The following PPP4R4 variants were observed in gnomAD, a reference collection of about 807,000 sequenced individuals.
PPP4R4 encodes the protein serine/threonine-protein phosphatase 4 regulatory subunit 4.
In PPP4R4, 70 loss-of-function variants were observed where a neutral mutation model predicts 121.8. The observed-to-expected ratio is 0.57, with a 90% CI of 0.47 to 0.70. PPP4R4 has a LOEUF of 0.70. Among genes scored for constraint, PPP4R4 ranks in the 30% least tolerant of loss-of-function variants. The pLI is 0.00. For missense variants in PPP4R4, 875 were observed against 1,033.6 expected, an observed-to-expected ratio of 0.85 and a Z score of 2.10; for synonymous variants, 348 against 355.7, an observed-to-expected ratio of 0.98 and a Z score of 0.24.
intron 3 of PPP4R4, among the ~76,000 whole-genome samples, chr14:94,219,057 CTTT>C (rs35618569): frequency 2.3e-5 from 3 of 131,814 alleles, no homozygotes; most frequent in African/African-American, 8.4e-5. Context: ...AAAGGAAAAT[CTTT>C]TTTTTTTTTC....
intron 3 of PPP4R4, among the ~76,000 whole-genome samples, chr14:94,223,041 C>G (rs1285616289): frequency 6.6e-6 from 1 of 151,898 alleles, no homozygotes; most frequent in South Asian, 2.1e-4. Flanking sequence ...TTGTATTTAT[C>G]TAGTCTAGAA....
At chr14:94,239,887 C>T (rs1359630814) in intron 8 of PPP4R4, among the ~76,000 whole-genome samples, 1 of 152,056 alleles carries the variant, frequency 6.6e-6, no homozygotes, top group Non-Finnish European at 1.5e-5. Context: ...AGTTACAAGG[C>T]TTGTTCTGTA....
intron 23 of PPP4R4, among the ~76,000 whole-genome samples, chr14:94,273,933 G>T (rs1894490352): frequency 6.6e-6 from 1 of 151,998 alleles, no homozygotes; most frequent in Non-Finnish European, 1.5e-5. Context: ...GGTTAAGTCT[G>T]GGCATTTAGT....
At chr14:94,251,083 C>A (rs1458554109) in intron 15 of PPP4R4, among the ~76,000 whole-genome samples, 1 of 151,878 alleles carries the variant, frequency 6.6e-6, no homozygotes, top group African/African-American at 2.4e-5. Context: ...TTTCATTTTT[C>A]AGTGGCAAGA....
At chr14:94,185,123 T>C (rs1889199003) in intron 2 of PPP4R4, among the ~76,000 whole-genome samples, 2 of 152,222 alleles carry the variant, frequency 1.3e-5, no homozygotes, top group Non-Finnish European at 2.9e-5. Flanking sequence ...AGATTTATTC[T>C]TGGAGGCTGA....
chr14:94,219,915 G>A (rs973344889), intron 3 of PPP4R4, among the ~76,000 whole-genome samples: 3 of 152,164 alleles, frequency 2.0e-5, no homozygotes, highest in Admixed American at 2.0e-4. Flanking sequence ...AGGCAAGATA[G>A]TGAGACCCTG....
At chr14:94,238,104 G>A (rs1251484141) in intron 8 of PPP4R4, among the ~76,000 whole-genome samples, 1 of 152,216 alleles carries the variant, frequency 6.6e-6, no homozygotes, top group Admixed American at 6.5e-5. Context: ...CTGCTCTCCA[G>A]AGAACTAACC....
At chr14:94,237,489 C>T in intron 7 of PPP4R4, 76 bp from the exon 8 acceptor site, 2 of 1,366,658 alleles carry the variant, frequency 1.5e-6, no homozygotes, top group Non-Finnish European at 2.0e-6. Context: ...GCAACTAGCC[C>T]AGTCACTGGT....
intron 11 of PPP4R4, among the ~76,000 whole-genome samples, chr14:94,244,137 A>G (rs374864708): frequency 6.6e-6 from 1 of 152,036 alleles, no homozygotes; most frequent in African/African-American, 2.4e-5. Context: ...GACTCTCCCA[A>G]CTCCTCTCAT....
intron 3 of PPP4R4, among the ~76,000 whole-genome samples, chr14:94,214,508 CAA>C (rs201462347): frequency 0.13 from 17,094 of 130,022 alleles, 1,149 homozygotes; most frequent in African/African-American, 0.2. Context: ...CTCTAAAAAA[CAA>C]AAAAAAAACA....
Position 94,212,406 on chromosome 14 carries a change from A to G in PPP4R4, c.294+3840A>G, listed in dbSNP as rs189902243. The stretch of plus-strand genomic sequence containing the variant: ...AAAGAAGAAAAATAGAAAGTAAGAA[A>G]AATAGAATTAAGCCAATCCATAGTA... On this transcript the variant is annotated intron_variant, in intron 3 of 24. Coordinates refer to ENST00000304338, the MANE Select transcript of PPP4R4 (RefSeq NM_058237.2). 2.2e-4 allele frequency among the ~76,000 whole-genome samples: 33 copies of G among 152,278 alleles called. 1 individual carries two copies. In the East Asian group the frequency reaches 6.2e-3, roughly 28 times the overall value.
chr14:94,205,038 T>C (rs552803728), intron 2 of PPP4R4, among the ~76,000 whole-genome samples: 3 of 152,206 alleles, frequency 2.0e-5, no homozygotes, highest in Admixed American at 1.3e-4. Context: ...TCTATATATA[T>C]GAGGTATACT....
intron 2 of PPP4R4, among the ~76,000 whole-genome samples, chr14:94,194,772 C>G (rs1889779652): frequency 6.6e-6 from 1 of 152,082 alleles, no homozygotes; most frequent in Non-Finnish European, 1.5e-5. Context: ...CCGGGCAATA[C>G]TTGGTTTATT....
At chr14:94,272,177 G>C (rs938281709) in intron 23 of PPP4R4, among the ~76,000 whole-genome samples, 1 of 152,182 alleles carries the variant, frequency 6.6e-6, no homozygotes, top group Non-Finnish European at 1.5e-5. Context: ...AGTTTACCTA[G>C]AGAAGAAAAG....
chr14:94,227,879 C>T, intron 3 of PPP4R4: 1 of 985,016 alleles, frequency 1.0e-6, no homozygotes, highest in Non-Finnish European at 1.2e-6. Flanking sequence ...CACATCAAAT[C>T]TTTTAAAAGT....
At chr14:94,244,492 T>C in intron 11 of PPP4R4, 143 bp from the exon 12 acceptor site, 1 of 644,000 alleles carries the variant, frequency 1.6e-6, no homozygotes, top group East Asian at 5.2e-5. Context: ...CTAATTTTTA[T>C]AGAATCTAAT....
Position 94,230,598 on chromosome 14 carries a change from T to C in PPP4R4, c.306T>C (p.His102=), listed in dbSNP as rs550074010. The change falls in exon 4 of 25, where the codon CAT becomes CAC. Residue 102 remains histidine, a synonymous_variant. Coordinates refer to ENST00000304338, the MANE Select transcript of PPP4R4 (RefSeq NM_058237.2). The part of the protein sequence containing the change: ...RVLPKVREAL[H]VAGVEMQLTA... ...TTCTGATTATACAGGAAGCCCTGCA[T>C]GTTGCAGGAGTGGAAATGCAGTTAA... The C allele has an allele frequency of 1.3e-5, 21 of 1,611,438 alleles. No homozygotes were observed. The African/African-American group carries it at 1.5e-4, about 11-fold the overall frequency.
chr14:94,185,492 G>A (rs1435973595), intron 2 of PPP4R4, among the ~76,000 whole-genome samples: 1 of 151,660 alleles, frequency 6.6e-6, no homozygotes, highest in Non-Finnish European at 1.5e-5. Flanking sequence ...GGGCAACAGT[G>A]TGAGACCCTG....
chr14:94,231,866 C>G (rs1000668128), intron 5 of PPP4R4, among the ~76,000 whole-genome samples: 1 of 152,048 alleles, frequency 6.6e-6, no homozygotes, highest in African/African-American at 2.4e-5. Context: ...TGCTCTTTTC[C>G]TAGACTTTTA....
Sources: gnomAD v4.1 joint callset for allele counts (sites outside exome capture counted in the v4.1 genomes callset) on GRCh38, gnomAD v4.1.1 for gene constraint, MANE v1.5 for transcripts, NCBI Gene and HGNC (gene_info 2026-07-23, HGNC 2026-07-21) for gene names.